TRAK2: variants seen among roughly 807,000 people sequenced by gnomAD.
TRAK2 encodes the protein trafficking kinesin protein 2, also known as trafficking kinesin-binding protein 2.
A neutral mutation model predicts 104.6 loss-of-function variants in TRAK2; 81 were observed. That is an observed-to-expected ratio of 0.77 (90% CI 0.65 to 0.93). The LOEUF (loss-of-function observed/expected upper bound fraction) is 0.93, where lower values mean the gene tolerates loss of function less well. TRAK2 is among the 40% of genes least tolerant of loss of function. The pLI is 0.00. For missense variants in TRAK2, 1,002 were observed against 1,089.0 expected, an observed-to-expected ratio of 0.92 and a Z score of 1.12; for synonymous variants, 406 against 394.4, an observed-to-expected ratio of 1.03 and a Z score of -0.35.
rs1214854594 is a variant in TRAK2 at position 201,447,479 on chromosome 2, A to T, written c.-200+3871T>A. Among the ~76,000 whole-genome samples, 1 of 152,206 alleles carries T rather than the reference A, an allele frequency of 6.6e-6. No homozygotes were observed. Among genetic ancestry groups the T allele is most frequent in the Non-Finnish European group, 1.5e-5 (1 of 68,034 alleles). On this transcript the variant is annotated intron_variant, in intron 1 of 15. Coordinates refer to ENST00000332624, the MANE Select transcript of TRAK2 (RefSeq NM_015049.3). The surrounding 1 kb of genome is among the most constrained non-coding windows in gnomAD (Gnocchi z 4.1). ...TTCAACAACAGAAATTTATTTTTTC[A>T]CAATACTGGAGTCTGGAAGTCCAAA...
intron 1 of TRAK2, among the ~76,000 whole-genome samples, chr2:201,440,342 C>A (rs1488751908): frequency 1.3e-5 from 2 of 152,100 alleles, no homozygotes; most frequent in East Asian, 1.9e-4. Flanking sequence ...GGCTGAGAAA[C>A]CAGATAAGCA....
chr2:201,381,344 C>T (rs1047899357), intron 15 of TRAK2, 126 bp from the exon 16 acceptor site: 16 of 827,174 alleles, frequency 1.9e-5, no homozygotes, highest in African/African-American at 1.4e-4. Context: ...CAAACACATC[C>T]GTAACTGTAT....
intron 2 of TRAK2, chr2:201,413,352 C>G: frequency 2.3e-6 from 2 of 875,516 alleles, no homozygotes; most frequent in South Asian, 1.8e-5. Flanking sequence ...CCCTCTCCTT[C>G]CAGGAGGGGC....
intron 4 of TRAK2, among the ~76,000 whole-genome samples, chr2:201,400,105 G>C (rs1951537272): frequency 6.7e-6 from 1 of 148,548 alleles, no homozygotes; most frequent in Admixed American, 6.8e-5. Context: ...ATTCTGCCTA[G>C]AGTATAGAGA....
chr2:201,428,520 T>C (rs190403657), intron 1 of TRAK2, among the ~76,000 whole-genome samples: 1 of 152,348 alleles, frequency 6.6e-6, no homozygotes, highest in East Asian at 1.9e-4. Context: ...TCTGTTCCAT[T>C]GGTCTATATC....
At chr2:201,397,610 A>G (rs1164101341) in intron 6 of TRAK2, 30 bp from the exon 7 acceptor site, 1 of 1,421,346 alleles carries the variant, frequency 7.0e-7, no homozygotes, top group South Asian at 1.2e-5. Context: ...ATGTGACAAT[A>G]CCTTCTAGTG....
intron 14 of TRAK2, among the ~76,000 whole-genome samples, chr2:201,385,177 T>G (rs1477237531): frequency 6.6e-6 from 1 of 152,218 alleles, no homozygotes; most frequent in Non-Finnish European, 1.5e-5. Context: ...GATATTAATA[T>G]GATTTTAATA....
chr2:201,392,786 C>T, intron 10 of TRAK2, 123 bp downstream of exon 10: 3 of 952,892 alleles, frequency 3.1e-6, no homozygotes, highest in Non-Finnish European at 4.5e-6. Flanking sequence ...TAATTGGAGT[C>T]CAGAAACAAG....
chr2:201,424,813 T>C lies in TRAK2; in HGVS notation c.-199-4107A>G, dbSNP rs1951773548. ...TAGTAGAGACGGGGTTTCACTGTGT[T>C]AGCCAGGATGGTCTCGATCTCCTGA... On this transcript the variant is annotated intron_variant, in intron 1 of 15. Coordinates refer to ENST00000332624, the MANE Select transcript of TRAK2 (RefSeq NM_015049.3). 2.0e-5 allele frequency among the ~76,000 whole-genome samples: 3 copies of C among 152,012 alleles called. No individual in the cohort carries two copies. The South Asian group carries it at 6.2e-4, about 32-fold the overall frequency.
chr2:201,421,267 A>G (rs1443137352), intron 1 of TRAK2, among the ~76,000 whole-genome samples: 2 of 152,226 alleles, frequency 1.3e-5, no homozygotes, highest in Non-Finnish European at 2.9e-5. Context: ...TATATTACAC[A>G]TGAAACAGTA....
rs1951305406 is a variant in TRAK2, at chr2:201,378,141, A to G, written c.*2402T>C. The G allele has an allele frequency of 6.6e-6, 1 of 152,180 alleles. No homozygotes were observed. Among genetic ancestry groups the G allele is most frequent in the African/African-American group, 2.4e-5 (1 of 41,438 alleles). 9.4% of individuals were successfully genotyped at this position (152,180 alleles called of 1,614,324 possible). Reference sequence around the variant, plus strand: ...GTTTTAAGACAGGATTCCTTTCTAGAGACATTACACAACAGTATACACTTA... The same window carrying G: ...GTTTTAAGACAGGATTCCTTTCTAGGGACATTACACAACAGTATACACTTA... On this transcript the variant is annotated 3_prime_UTR_variant, in exon 16 of 16. Coordinates refer to ENST00000332624, the MANE Select transcript of TRAK2 (RefSeq NM_015049.3).
intron 1 of TRAK2, among the ~76,000 whole-genome samples, chr2:201,423,153 T>C (rs1355677822): frequency 6.6e-6 from 1 of 151,796 alleles, no homozygotes; most frequent in African/African-American, 2.4e-5. Flanking sequence ...TAGCTCACTA[T>C]AGCCTTGAAC....
chr2:201,392,350 A>G (rs116065401), intron 10 of TRAK2, among the ~76,000 whole-genome samples: 90 of 152,320 alleles, frequency 5.9e-4, no homozygotes, highest in Non-Finnish European at 1.1e-3. Flanking sequence ...AAAAGTTCAC[A>G]GGATTGCACA....
intron 3 of TRAK2, among the ~76,000 whole-genome samples, chr2:201,403,926 C>T (rs1951571252): frequency 6.6e-6 from 1 of 152,070 alleles, no homozygotes; most frequent in African/African-American, 2.4e-5. Flanking sequence ...AAAGGCTGGG[C>T]CTCTTCAGTT....
intron 2 of TRAK2, among the ~76,000 whole-genome samples, chr2:201,410,199 G>A (rs746539914): frequency 4.6e-5 from 7 of 152,108 alleles, no homozygotes; most frequent in Non-Finnish European, 8.8e-5. Context: ...CTACTAGGGA[G>A]GCTGAGGCAG....
At chr2:201,391,232 A>C (rs1951445788) in intron 10 of TRAK2, among the ~76,000 whole-genome samples, 1 of 152,154 alleles carries the variant, frequency 6.6e-6, no homozygotes, top group Non-Finnish European at 1.5e-5. Flanking sequence ...TATCTAGGAC[A>C]ATCTGAATAT....
chr2:201,395,675 G>A (rs1187841870), intron 7 of TRAK2, among the ~76,000 whole-genome samples: 1 of 152,086 alleles, frequency 6.6e-6, no homozygotes, highest in Non-Finnish European at 1.5e-5. Context: ...AAAGAGAGAC[G>A]ACTTATAAAG....
chr2:201,431,345 G>C (rs1559453021), intron 1 of TRAK2, among the ~76,000 whole-genome samples: 1 of 152,178 alleles, frequency 6.6e-6, no homozygotes, highest in African/African-American at 2.4e-5. Context: ...CTGGAGGTCA[G>C]AAAAATGAAA....
intron 2 of TRAK2, among the ~76,000 whole-genome samples, chr2:201,413,896 C>T (rs988726302): frequency 1.3e-5 from 2 of 152,144 alleles, no homozygotes; most frequent in Admixed American, 6.5e-5. Context: ...ACTTATTGTC[C>T]TATTTTTCAC....
Sources: allele counts gnomAD v4.1 joint callset (sites outside exome capture counted in the v4.1 genomes callset), GRCh38; gene constraint gnomAD v4.1.1; non-coding constraint Gnocchi (gnomAD v3.1); transcripts MANE v1.5; gene names NCBI Gene and HGNC (gene_info 2026-07-23, HGNC 2026-07-21).